The following SNTG1 variants were observed in gnomAD, a reference collection of about 807,000 sequenced individuals.
SNTG1 encodes gamma-1-syntrophin.
A neutral mutation model predicts 74.7 loss-of-function variants in SNTG1; 39 were observed. The ratio of observed to expected loss-of-function variants is 0.52; its 90% CI spans 0.40 to 0.68. The LOEUF (loss-of-function observed/expected upper bound fraction) is 0.68, where lower values mean the gene tolerates loss of function less well. SNTG1 is among the 30% of genes least tolerant of loss of function. The probability of loss-of-function intolerance (pLI) is 0.00; values close to 1 mark genes in which losing one functional copy is unlikely to be tolerated. For synonymous variants in SNTG1, 254 were observed against 217.1 expected, an observed-to-expected ratio of 1.17 and a Z score of -1.49; for missense variants, 685 against 609.5, an observed-to-expected ratio of 1.12 and a Z score of -1.30.
chr8:50,344,871 T>A (rs1408723802), intron 2 of SNTG1, among the ~76,000 whole-genome samples: 2 of 152,022 alleles, frequency 1.3e-5, no homozygotes, highest in Non-Finnish European at 2.9e-5. Context: ...CCTTTCAAGG[T>A]GTGATTAAGA....
intron 4 of SNTG1, among the ~76,000 whole-genome samples, chr8:50,404,539 T>G (rs1388435178): frequency 1.3e-5 from 2 of 152,014 alleles, no homozygotes; most frequent in East Asian, 3.9e-4. Flanking sequence ...ATAAATACAA[T>G]GTAATGCTGT....
rs150241026 is a variant in SNTG1 at position 50,169,594 on chromosome 8, G to C, written c.-102-2967G>C. Among the ~76,000 whole-genome samples the C allele has an allele frequency of 1.9e-4, 29 of 152,320 alleles. 1 individual carries two copies. Among genetic ancestry groups the C allele is most frequent in the Middle Eastern group, 3.4e-3 (1 of 294 alleles). Reference sequence around the variant, plus strand: ...TTGCCTCACATATTCCAGTTGGATAGAAACTTAAAATCCCTCCGTTATTCT... The same window carrying C: ...TTGCCTCACATATTCCAGTTGGATACAAACTTAAAATCCCTCCGTTATTCT... On this transcript the variant is annotated intron_variant, in intron 1 of 18. Coordinates refer to ENST00000642720, the MANE Select transcript of SNTG1 (RefSeq NM_018967.5).
At chr8:49,951,083 C>T (rs896055244) in intron 1 of SNTG1, among the ~76,000 whole-genome samples, 2 of 152,148 alleles carry the variant, frequency 1.3e-5, no homozygotes, top group African/African-American at 4.8e-5. Flanking sequence ...CTAACACTTG[C>T]ATTTGGGGGG....
intron 8 of SNTG1, among the ~76,000 whole-genome samples, chr8:50,452,534 G>A (rs186546993): frequency 2.6e-5 from 4 of 152,188 alleles, no homozygotes; most frequent in Non-Finnish European, 4.4e-5. Flanking sequence ...TCAGAGGCAG[G>A]CAGCATGCTT....
chr8:50,431,099 A>G (rs1363227379), intron 4 of SNTG1, among the ~76,000 whole-genome samples: 3 of 152,196 alleles, frequency 2.0e-5, no homozygotes, highest in African/African-American at 7.2e-5. Flanking sequence ...AATGTAGTTC[A>G]AGTGTCACAG....
chr8:49,995,559 G>T (rs1814126979), intron 1 of SNTG1, among the ~76,000 whole-genome samples: 1 of 152,324 alleles, frequency 6.6e-6, no homozygotes, highest in East Asian at 1.9e-4. Flanking sequence ...GCAGTTCAGG[G>T]TTTTTGCAGA....
chr8:50,087,597 A>G (rs1447834116), intron 1 of SNTG1, among the ~76,000 whole-genome samples: 3 of 152,104 alleles, frequency 2.0e-5, no homozygotes, highest in Non-Finnish European at 4.4e-5. Context: ...TAGTCTATAA[A>G]TATATTCTAC....
intron 15 of SNTG1, among the ~76,000 whole-genome samples, chr8:50,687,477 G>T (rs562454047): frequency 2.8e-4 from 42 of 152,212 alleles, no homozygotes; most frequent in Non-Finnish European, 5.3e-4. Flanking sequence ...AACAGAATCA[G>T]AGGTAGCAAT....
At chr8:49,928,599 T>A (rs1296969150) in intron 1 of SNTG1, among the ~76,000 whole-genome samples, 1 of 151,942 alleles carries the variant, frequency 6.6e-6, no homozygotes, top group Non-Finnish European at 1.5e-5. Flanking sequence ...GTAGGCTAGG[T>A]TGTGGGTGTG....
In SNTG1 at chr8:50,377,398, C is replaced by A. The variant is rs958754869; in HGVS notation, c.-27-16814C>A. 2.0e-5 allele frequency among the ~76,000 whole-genome samples: 3 copies of A among 152,048 alleles called. No homozygotes were observed. The East Asian group carries it at 5.8e-4, about 29-fold the overall frequency. ...ATTTTTTAGATTTGAAGGAGGAGAA[C>A]AATTTTGCAAAATAGGGTATTCTTC... On this transcript the variant is annotated intron_variant, in intron 2 of 18. Transcript: ENST00000642720.
intron 5 of SNTG1, among the ~76,000 whole-genome samples, chr8:50,445,352 T>C (rs2093396925): frequency 6.6e-6 from 1 of 152,210 alleles, no homozygotes; most frequent in South Asian, 2.1e-4. Flanking sequence ...GTTAGCTCTA[T>C]GCATCTTCCC....
intron 6 of SNTG1, 29 bp from the exon 7 acceptor site, chr8:50,450,527 C>T (rs745835970): frequency 1.4e-5 from 23 of 1,610,710 alleles, no homozygotes; most frequent in Admixed American, 1.3e-4. Flanking sequence ...ACAGTCAATG[C>T]ATTATCAATT....
In SNTG1 at chr8:50,419,443, A is replaced by G. The variant is rs373562563; in HGVS notation, c.162+17099A>G. On this transcript the variant is annotated intron_variant, in intron 4 of 18. Transcript: ENST00000642720. Reference sequence around the variant, plus strand: ...ACTTTCATCTTTATGGAGCAAGGCCAACAACAATCCCCCACAAACTCCACC... The same window carrying G: ...ACTTTCATCTTTATGGAGCAAGGCCGACAACAATCCCCCACAAACTCCACC... 2.6e-3 allele frequency among the ~76,000 whole-genome samples: 393 copies of G among 152,302 alleles called. 1 individual carries two copies. The highest frequency in any genetic ancestry group is 9.1e-3 in the African/African-American group (378 of 41,576).
intron 1 of SNTG1, among the ~76,000 whole-genome samples, chr8:50,068,699 CT>C (rs979219624): frequency 6.6e-6 from 1 of 151,942 alleles, no homozygotes; most frequent in African/African-American, 2.4e-5. Context: ...TTCTTTCTTT[CT>C]TTTTTTTCTG....
chr8:50,124,270 C>T (rs575725011), intron 1 of SNTG1, among the ~76,000 whole-genome samples: 3 of 141,748 alleles, frequency 2.1e-5, no homozygotes, highest in East Asian at 4.1e-4. Flanking sequence ...TGGGAGAAAC[C>T]AACCCGCTGA....
intron 9 of SNTG1, among the ~76,000 whole-genome samples, chr8:50,504,531 C>G (rs539026318): frequency 6.6e-6 from 1 of 152,106 alleles, no homozygotes; most frequent in Admixed American, 6.6e-5. Flanking sequence ...GTGGCCCATG[C>G]GTGTAATCCC....
At chr8:50,018,962 A>T (rs996174001) in intron 1 of SNTG1, among the ~76,000 whole-genome samples, 3 of 151,964 alleles carry the variant, frequency 2.0e-5, no homozygotes, top group Non-Finnish European at 4.4e-5. Context: ...GATCCAGCAA[A>T]TCTACTCCTA....
At chr8:50,245,043 C>T (rs2086332734) in intron 2 of SNTG1, among the ~76,000 whole-genome samples, 1 of 151,850 alleles carries the variant, frequency 6.6e-6, no homozygotes, top group Admixed American at 6.6e-5. Flanking sequence ...ATTATGTTTT[C>T]TTGGTTGGAT....
intron 1 of SNTG1, among the ~76,000 whole-genome samples, chr8:50,097,154 TAG>T (rs2079958161): frequency 6.6e-6 from 1 of 152,136 alleles, no homozygotes; most frequent in South Asian, 2.1e-4. Flanking sequence ...GTGTTTTTAG[TAG>T]AGACGCAGTT....
Sources: allele counts gnomAD v4.1 joint callset (sites outside exome capture counted in the v4.1 genomes callset), GRCh38; gene constraint gnomAD v4.1.1; transcripts MANE v1.5; gene names NCBI Gene and HGNC (gene_info 2026-07-23, HGNC 2026-07-21).